The following INSR variants were observed in gnomAD, a reference collection of about 807,000 sequenced individuals.
INSR encodes the protein insulin receptor.
A neutral mutation model predicts 142.6 loss-of-function variants in INSR; 67 were observed. That is an observed-to-expected ratio of 0.47 (90% CI 0.39 to 0.58). The LOEUF (loss-of-function observed/expected upper bound fraction) is 0.58. Among genes scored for constraint, INSR ranks in the 20% least tolerant of loss-of-function variants. The probability of loss-of-function intolerance (pLI) is 0.00; values close to 1 mark genes in which losing one functional copy is unlikely to be tolerated. For missense variants in INSR, 1,248 were observed against 1,833.2 expected, an observed-to-expected ratio of 0.68 and a Z score of 5.83; for synonymous variants, 756 against 743.1, an observed-to-expected ratio of 1.02 and a Z score of -0.28.
chr19:7,120,535 G>A, intron 20 of INSR, 85 bp downstream of exon 20: 2 of 1,537,968 alleles, frequency 1.3e-6, no homozygotes, highest in East Asian at 2.3e-5. Flanking sequence ...CAGGAGGATG[G>A]CAGGCTTCCT....
chr19:7,126,521 G>A (rs1414329155), intron 16 of INSR, 63 bp downstream of exon 16: 3 of 1,411,776 alleles, frequency 2.1e-6, no homozygotes, highest in South Asian at 1.2e-5. Flanking sequence ...TCACTCAATG[G>A]TGAAGGCAAA....
intron 2 of INSR, among the ~76,000 whole-genome samples, chr19:7,187,730 G>A (rs1304865864): frequency 6.6e-6 from 1 of 151,582 alleles, no homozygotes; most frequent in African/African-American, 2.4e-5. Flanking sequence ...GCGCCACCAC[G>A]CCCAGCTAAG....
chr19:7,158,432 C>T (rs141389374), intron 9 of INSR, among the ~76,000 whole-genome samples: 6,183 of 152,054 alleles, frequency 0.041, 160 homozygotes, highest in Non-Finnish European at 0.065. Flanking sequence ...ACCCGGGAGG[C>T]GGAGCTTGCA....
At chr19:7,271,573 A>G (rs1225531913) in intron 1 of INSR, among the ~76,000 whole-genome samples, 1 of 152,214 alleles carries the variant, frequency 6.6e-6, no homozygotes, top group Non-Finnish European at 1.5e-5. Context: ...GCCACTGTGG[A>G]AAACACTCTG....
At chr19:7,276,690 C>T (rs1968071115) in intron 1 of INSR, among the ~76,000 whole-genome samples, 1 of 152,002 alleles carries the variant, frequency 6.6e-6, no homozygotes, top group African/African-American at 2.4e-5. Flanking sequence ...CATCTTCAAC[C>T]CCTCTGCACG....
Position 7,150,964 on chromosome 19 carries a change from C to T in INSR, c.2232-432G>A, listed in dbSNP as rs919108986. ...CCTCTCTCTCCTTCCTTCCTTCTTT[C>T]CTCTTTTACTTTCTTTCTCTCTTTT... On this transcript the variant is annotated intron_variant, in intron 10 of 21. Coordinates refer to ENST00000302850, the MANE Select transcript of INSR (RefSeq NM_000208.4). The surrounding 1 kb of genome is among the most constrained non-coding windows in gnomAD (Gnocchi z 4.2). Among the ~76,000 whole-genome samples, 3 of 149,506 alleles carry T rather than the reference C, an allele frequency of 2.0e-5. No homozygotes were observed. Among genetic ancestry groups the T allele is most frequent in the Non-Finnish European group, 3.0e-5 (2 of 67,380 alleles).
At chr19:7,183,263 G>GGTGTGTGTGTGTGTGTGTGT (rs71177167) in intron 3 of INSR, among the ~76,000 whole-genome samples, 4 of 146,590 alleles carry the variant, frequency 2.7e-5, no homozygotes, top group South Asian at 2.2e-4. Flanking sequence ...GTTGTTTTGT[G>GGTGTGTGTGTGTGTGTGTGT]GTGTGTGTGT....
At chr19:7,167,574 CAAAAAAA>C (rs34670852) in intron 7 of INSR, among the ~76,000 whole-genome samples, 31 of 123,454 alleles carry the variant, frequency 2.5e-4, no homozygotes, top group African/African-American at 9.3e-4. Flanking sequence ...GACTCTGTCT[CAAAAAAA>C]AAAAAAAAAT....
intron 2 of INSR, among the ~76,000 whole-genome samples, chr19:7,231,306 T>TGG (rs1975969726): frequency 1.3e-5 from 2 of 148,604 alleles, no homozygotes; most frequent in African/African-American, 2.5e-5. Context: ...TTTTTTTTTT[T>TGG]TTTTTTTTTT....
rs41398545 is a variant in INSR at position 7,141,668 on chromosome 19, G to C, written c.2682+9C>G. ...GTGCAGGGGCATGCCCAAGAGTCAA[G>C]GGCCTTACCTCATCACCATATCGCC... On this transcript the variant is annotated intron_variant, in intron 13 of 21. Transcript: ENST00000302850. 1,416 of 1,614,144 alleles carry C rather than the reference G, an allele frequency of 8.8e-4. 35 individuals carry two copies. The East Asian group carries it at 0.019, about 22-fold the overall frequency.
At chr19:7,272,270 C>T (rs1022668025) in intron 1 of INSR, among the ~76,000 whole-genome samples, 1 of 152,130 alleles carries the variant, frequency 6.6e-6, no homozygotes, top group Non-Finnish European at 1.5e-5. Context: ...TGCACCACTG[C>T]ACTCCAGCCT....
At chr19:7,264,816 C>T (rs564746180) in intron 2 of INSR, among the ~76,000 whole-genome samples, 66 of 152,306 alleles carry the variant, frequency 4.3e-4, no homozygotes, top group African/African-American at 1.5e-3. Context: ...TAACGGTCCC[C>T]TCTCCCACCA....
At chr19:7,195,777 C>T (rs1169311570) in intron 2 of INSR, among the ~76,000 whole-genome samples, 3 of 151,618 alleles carry the variant, frequency 2.0e-5, no homozygotes, top group Non-Finnish European at 1.5e-5. Context: ...TTGGAACCTT[C>T]GCCTAGGAAA....
At chr19:7,264,328 G>C (rs867929759) in intron 2 of INSR, among the ~76,000 whole-genome samples, 18 of 152,008 alleles carry the variant, frequency 1.2e-4, no homozygotes, top group African/African-American at 4.1e-4. Context: ...ACGAGACTCT[G>C]TCTCAAAAAC....
Position 7,264,611 on chromosome 19 carries a change from G to A in INSR, c.652+2734C>T, listed in dbSNP as rs1422490715. ...AGCTCACTTGTTTCTAAACAGAGAG[G>A]ACATCCTTCCCACTCCTCCAAAAAA... On this transcript the variant is annotated intron_variant, in intron 2 of 21. Coordinates refer to ENST00000302850, the MANE Select transcript of INSR (RefSeq NM_000208.4). Among the ~76,000 whole-genome samples, 3 of 152,306 alleles carry A rather than the reference G, an allele frequency of 2.0e-5. No individual in the cohort carries two copies. The East Asian group carries it at 5.8e-4, about 29-fold the overall frequency.
intron 9 of INSR, among the ~76,000 whole-genome samples, chr19:7,156,610 G>C (rs1346829682): frequency 6.6e-6 from 1 of 151,980 alleles, no homozygotes; most frequent in African/African-American, 2.4e-5. Flanking sequence ...ACGCCAGACA[G>C]AAAAAACACC....
At chr19:7,183,507 G>C (rs927420196) in intron 3 of INSR, among the ~76,000 whole-genome samples, 1 of 152,036 alleles carries the variant, frequency 6.6e-6, no homozygotes, top group African/African-American at 2.4e-5. Flanking sequence ...CTGTCCTTCA[G>C]AGAACAGCAA....
intron 2 of INSR, among the ~76,000 whole-genome samples, chr19:7,199,560 C>CTT (rs3084138): frequency 0.18 from 14,101 of 78,378 alleles, 2,115 homozygotes; most frequent in African/African-American, 0.23. Flanking sequence ...ACTGCGACAG[C>CTT]TTTTTTTTTT....
rs1974617507 is a variant in INSR, at chr19:7,192,208, A to C, written c.653-7571T>G. Among the ~76,000 whole-genome samples, 1 of 148,794 alleles carries C rather than the reference A, an allele frequency of 6.7e-6. No homozygotes were observed. Among genetic ancestry groups the C allele is most frequent in the Non-Finnish European group, 1.5e-5 (1 of 66,648 alleles). ...AAGAAAAAAGAAAGAAAAAGAAAGA[A>C]AGGAGAAAGAAAAGAAAGAGAAAGA... is the stretch of plus-strand genomic sequence containing the variant. On this transcript the variant is annotated intron_variant, in intron 2 of 21. Coordinates refer to ENST00000302850, the MANE Select transcript of INSR (RefSeq NM_000208.4). The surrounding 1 kb of genome is among the most constrained non-coding windows in gnomAD (Gnocchi z 4.2).
Sources: allele counts gnomAD v4.1 joint callset (sites outside exome capture counted in the v4.1 genomes callset), GRCh38; gene constraint gnomAD v4.1.1; non-coding constraint Gnocchi (gnomAD v3.1); transcripts MANE v1.5; gene names NCBI Gene and HGNC (gene_info 2026-07-23, HGNC 2026-07-21).